Variants in PDK1 observed in about 807,000 individuals in gnomAD.
PDK1 encodes the protein [Pyruvate dehydrogenase (acetyl-transferring)] kinase isozyme 1, mitochondrial.
PDK1 carries 39 observed loss-of-function variants against 54.2 expected under a neutral mutation model. The observed-to-expected ratio is 0.72, with a 90% CI of 0.56 to 0.94. The LOEUF is 0.94. Ranked by LOEUF, PDK1 falls within the 40% of genes least tolerant of loss-of-function variation. The pLI is 0.00. For missense variants in PDK1, 552 were observed against 566.0 expected, an observed-to-expected ratio of 0.98 and a Z score of 0.25; for synonymous variants, 221 against 207.1, an observed-to-expected ratio of 1.07 and a Z score of -0.58.
chr2:172,658,733 T>G, the PDK1 span, among the ~76,000 whole-genome samples: 1 of 152,144 alleles, frequency 6.6e-6, no homozygotes, highest in Non-Finnish European at 1.5e-5. Context: ...TCTTATGCAG[T>G]CAAGATAAGG....
chr2:172,623,788 C>G, the PDK1 span, among the ~76,000 whole-genome samples: 3 of 152,116 alleles, frequency 2.0e-5, no homozygotes, highest in Admixed American at 6.5e-5. Flanking sequence ...ATGTGACATT[C>G]TAGACTTACA....
chr2:172,579,669 T>G (rs1348772789), intron 8 of PDK1, among the ~76,000 whole-genome samples: 1 of 151,856 alleles, frequency 6.6e-6, no homozygotes, highest in East Asian at 1.9e-4. Context: ...GTGACCAGTT[T>G]TAGGTGTCTA....
chr2:172,690,673 G>A, the PDK1 span, among the ~76,000 whole-genome samples: 24 of 150,160 alleles, frequency 1.6e-4, 2 homozygotes, highest in Admixed American at 6.1e-4. Context: ...ACGCAGCCAC[G>A]AAAAAGGATG....
At chr2:172,718,961 C>T in the PDK1 span, among the ~76,000 whole-genome samples, 1 of 152,158 alleles carries the variant, frequency 6.6e-6, no homozygotes, top group Non-Finnish European at 1.5e-5. Context: ...CCATCACCCC[C>T]AAAATTGGTT....
chr2:172,564,489 A>G lies in PDK1; in HGVS notation c.411-14A>G. On this transcript the variant is annotated splice_polypyrimidine_tract_variant and intron_variant, in intron 3 of 10. Coordinates refer to ENST00000282077, the MANE Select transcript of PDK1 (RefSeq NM_002610.5). ...TCAAAATATTTGGCTGTTTTGACAG[A>G]TGGGTTTGTTTAGCTTTACAGATAC... 1 of 1,596,122 alleles carries G rather than the reference A, an allele frequency of 6.3e-7. No homozygotes were observed. The highest frequency in any genetic ancestry group is 1.3e-5 in the African/African-American group (1 of 74,672).
At chr2:172,686,696 A>G in the PDK1 span, among the ~76,000 whole-genome samples, 32 of 152,196 alleles carry the variant, frequency 2.1e-4, no homozygotes, top group Admixed American at 7.9e-4. Context: ...CTCACAATAA[A>G]TCAGCTGTGC....
At position 172,597,082 on chromosome 2, in the gene PDK1, A is replaced by C. The variant is rs535269420; in HGVS notation, c.*1113A>C. The C allele has an allele frequency of 6.6e-6, 1 of 152,106 alleles. No homozygotes were observed. 9.4% of individuals were successfully genotyped at this position (152,106 alleles called of 1,614,324 possible). ...GCCACGTAACCAAAGCATCAGAGCC[A>C]TCATTGCACGTGTCTTTTTTTCTTT... is the stretch of plus-strand genomic sequence containing the variant. On this transcript the variant is annotated 3_prime_UTR_variant, in exon 11 of 11. Transcript: ENST00000282077.
At chr2:172,560,018 A>AT (rs1255464579) in intron 2 of PDK1, among the ~76,000 whole-genome samples, 2 of 151,850 alleles carry the variant, frequency 1.3e-5, no homozygotes, top group African/African-American at 2.4e-5. Context: ...TAATTTTTGT[A>AT]TTTTTTAGCA....
intron 8 of PDK1, among the ~76,000 whole-genome samples, chr2:172,577,776 A>C (rs779954058): frequency 6.6e-6 from 1 of 152,150 alleles, no homozygotes; most frequent in Non-Finnish European, 1.5e-5. Flanking sequence ...ATTTTTGTAC[A>C]TTGTGTGCCT....
chr2:172,684,923 G>A, the PDK1 span, among the ~76,000 whole-genome samples: 1 of 152,144 alleles, frequency 6.6e-6, no homozygotes, highest in African/African-American at 2.4e-5. Context: ...AATCCCACAT[G>A]TCAAGGGAGG....
intron 6 of PDK1, among the ~76,000 whole-genome samples, chr2:172,567,167 T>G (rs747940684): frequency 2.6e-5 from 4 of 152,244 alleles, no homozygotes; most frequent in Non-Finnish European, 4.4e-5. Flanking sequence ...TTGATAACTT[T>G]GATTCTTTGC....
intron 2 of PDK1, among the ~76,000 whole-genome samples, chr2:172,560,391 C>T (rs1163538130): frequency 2.0e-5 from 3 of 152,186 alleles, no homozygotes; most frequent in Non-Finnish European, 2.9e-5. Context: ...AGGTTGTGAA[C>T]TCCTGGGCTC....
At chr2:172,578,079 G>A (rs1300167021) in intron 8 of PDK1, among the ~76,000 whole-genome samples, 2 of 152,110 alleles carry the variant, frequency 1.3e-5, no homozygotes, top group African/African-American at 4.8e-5. Flanking sequence ...CATTTTTGAA[G>A]GATAGTTTTG....
At chr2:172,653,953 G>A in the PDK1 span, among the ~76,000 whole-genome samples, 2,618 of 152,220 alleles carry the variant, frequency 0.017, 74 homozygotes, top group African/African-American at 0.059. Flanking sequence ...CCATCAAAAA[G>A]TGGGCAAAGG....
rs781258963 is a variant in PDK1, at chr2:172,568,816, A to G, written c.845A>G (p.Lys282Arg). ...TATCACATGGTGTTTGAACTTTTCA[A>G]GGTTTGTAAAATAGTATTACATAAC... The part of the protein sequence containing the change: ...HLYHMVFELF[K>R]NAMRATMEHH... Residue 282 changes from lysine to arginine, a missense_variant and splice_region_variant, in exon 7 of 11, where the codon AAG becomes AGG. Coordinates refer to ENST00000282077, the MANE Select transcript of PDK1 (RefSeq NM_002610.5). 2 of 1,568,406 alleles carry G rather than the reference A, an allele frequency of 1.3e-6. No homozygotes were observed. The highest frequency in any genetic ancestry group is 8.8e-7 in the Non-Finnish European group (1 of 1,138,368).
chr2:172,689,710 T>A, the PDK1 span, among the ~76,000 whole-genome samples: 1 of 152,094 alleles, frequency 6.6e-6, no homozygotes, highest in Non-Finnish European at 1.5e-5. Flanking sequence ...TCTACAACCC[T>A]CTGATCTTTG....
intron 2 of PDK1, among the ~76,000 whole-genome samples, chr2:172,561,173 AT>A (rs1287567452): frequency 6.6e-6 from 1 of 152,226 alleles, no homozygotes; most frequent in Non-Finnish European, 1.5e-5. Context: ...TTTTTAAAAA[AT>A]TCTTCATTAG....
intron 8 of PDK1, among the ~76,000 whole-genome samples, chr2:172,573,434 C>T (rs1291411903): frequency 2.6e-5 from 4 of 151,276 alleles, no homozygotes; most frequent in African/African-American, 9.7e-5. Context: ...AATTGGCTGT[C>T]TTTTATTGTT....
At chr2:172,667,036 T>A in the PDK1 span, among the ~76,000 whole-genome samples, 1 of 152,326 alleles carries the variant, frequency 6.6e-6, no homozygotes, top group South Asian at 2.1e-4. Flanking sequence ...TATTATGTAG[T>A]AGTGAAGTCT....
Sources: gnomAD v4.1 joint callset for allele counts (sites outside exome capture counted in the v4.1 genomes callset) on GRCh38, gnomAD v4.1.1 for gene constraint, MANE v1.5 for transcripts, NCBI Gene and HGNC (gene_info 2026-07-23, HGNC 2026-07-21) for gene names.